The following MAMDC2 variants were observed in gnomAD, a reference collection of about 807,000 sequenced individuals.
MAMDC2 encodes MAM domain containing 2.
Under a neutral mutation model 89.8 loss-of-function variants are expected in MAMDC2, and 57 were observed. The ratio of observed to expected loss-of-function variants is 0.63; its 90% CI spans 0.51 to 0.79. The LOEUF (loss-of-function observed/expected upper bound fraction) is 0.79. MAMDC2 is among the 30% of genes least tolerant of loss of function. MAMDC2 has a pLI of 0.00. For synonymous variants in MAMDC2, 313 were observed against 293.4 expected (o/e 1.07, Z -0.68); for missense variants, 800 against 820.6 (o/e 0.97, Z 0.31).
intron 11 of MAMDC2, among the ~76,000 whole-genome samples, chr9:70,208,879 T>C (rs1022686063): frequency 1.3e-5 from 2 of 152,198 alleles, no homozygotes; most frequent in Non-Finnish European, 2.9e-5. Context: ...TCTGTGTCTA[T>C]TGAGATAATC....
At chr9:70,072,292 A>G (rs2118090813) in intron 2 of MAMDC2, among the ~76,000 whole-genome samples, 1 of 152,316 alleles carries the variant, frequency 6.6e-6, no homozygotes, top group East Asian at 1.9e-4. Context: ...GTGGTTCACC[A>G]TGATCACCAG....
intron 11 of MAMDC2, chr9:70,188,702 A>G (rs2032811691): frequency 6.6e-6 from 1 of 151,548 alleles, no homozygotes; most frequent in African/African-American, 2.4e-5. Flanking sequence ...TATTAAACTT[A>G]TAAGAACAGA....
At chr9:70,212,328 C>A (rs1421806059) in intron 11 of MAMDC2, among the ~76,000 whole-genome samples, 1 of 152,254 alleles carries the variant, frequency 6.6e-6, no homozygotes, top group African/African-American at 2.4e-5. Context: ...TCAGCAATGG[C>A]AGATGCCCCT....
chr9:70,183,109 A>ATTTTGTT (rs2032679760), intron 11 of MAMDC2, among the ~76,000 whole-genome samples: 2 of 152,266 alleles, frequency 1.3e-5, no homozygotes, highest in Admixed American at 6.5e-5. Flanking sequence ...TTGTTTTCCC[A>ATTTTGTT]GTAGTCATTC....
At chr9:70,065,334 G>A (rs1210430002) in intron 2 of MAMDC2, among the ~76,000 whole-genome samples, 1 of 152,078 alleles carries the variant, frequency 6.6e-6, no homozygotes, top group Non-Finnish European at 1.5e-5. Flanking sequence ...ATATATTCCA[G>A]CTTAAGAATC....
chr9:70,173,099 T>G (rs1357227478), intron 11 of MAMDC2, among the ~76,000 whole-genome samples: 4 of 152,174 alleles, frequency 2.6e-5, no homozygotes. Context: ...TTTCTCTTTC[T>G]ACCTCTTTGA....
intron 6 of MAMDC2, among the ~76,000 whole-genome samples, chr9:70,128,757 A>G (rs565844178): frequency 6.6e-6 from 1 of 152,266 alleles, no homozygotes; most frequent in South Asian, 2.1e-4. Context: ...CCCAGGTTCA[A>G]GCAGTCCTCT....
chr9:70,157,046 T>A (rs961624232), intron 9 of MAMDC2, among the ~76,000 whole-genome samples: 2 of 152,204 alleles, frequency 1.3e-5, no homozygotes, highest in Non-Finnish European at 2.9e-5. Flanking sequence ...TATGGAGACA[T>A]CCGAAAAGAC....
chr9:70,110,519 C>T (rs1233420651), intron 4 of MAMDC2, among the ~76,000 whole-genome samples: 3 of 152,148 alleles, frequency 2.0e-5, no homozygotes, highest in Non-Finnish European at 4.4e-5. Context: ...GGCAAGGGTT[C>T]TCCATGGCCA....
chr9:70,224,550 C>T (rs902703380), intron 12 of MAMDC2, among the ~76,000 whole-genome samples: 9 of 152,170 alleles, frequency 5.9e-5, no homozygotes, highest in African/African-American at 2.2e-4. Context: ...AGGACAGAAG[C>T]AGACGGGTGT....
At chr9:70,158,594 T>C (rs1448843289) in intron 9 of MAMDC2, among the ~76,000 whole-genome samples, 2 of 151,954 alleles carry the variant, frequency 1.3e-5, no homozygotes, top group African/African-American at 2.4e-5. Context: ...ATTAATGTTT[T>C]CTAAAGTGAA....
At chr9:70,181,927 T>C (rs2032654125) in intron 11 of MAMDC2, among the ~76,000 whole-genome samples, 1 of 152,226 alleles carries the variant, frequency 6.6e-6, no homozygotes, top group African/African-American at 2.4e-5. Flanking sequence ...TATCCTTGTC[T>C]TTGCCAGTTT....
At chr9:70,055,832 T>G (rs1008807944) in intron 2 of MAMDC2, among the ~76,000 whole-genome samples, 2 of 152,232 alleles carry the variant, frequency 1.3e-5, no homozygotes, top group African/African-American at 4.8e-5. Flanking sequence ...TTGGCAGTCT[T>G]AAGGAGTATT....
intron 2 of MAMDC2, among the ~76,000 whole-genome samples, chr9:70,067,011 C>T (rs1175573301): frequency 6.6e-6 from 1 of 152,060 alleles, no homozygotes; most frequent in African/African-American, 2.4e-5. Context: ...AGAGGGTGCT[C>T]CTGGGATCAA....
chr9:70,163,952 CAAA>C (rs34029718), intron 9 of MAMDC2, among the ~76,000 whole-genome samples: 9 of 70,068 alleles, frequency 1.3e-4, no homozygotes, highest in Non-Finnish European at 1.9e-4. Flanking sequence ...GACTCTGTCT[CAAA>C]AAAAAAAAAA....
At chr9:70,077,865 G>C (rs1276145531) in intron 2 of MAMDC2, among the ~76,000 whole-genome samples, 1 of 152,196 alleles carries the variant, frequency 6.6e-6, no homozygotes, top group African/African-American at 2.4e-5. Context: ...TCCAGGAGAG[G>C]CAAGCTAGTA....
chr9:70,044,562 G>A, intron 1 of MAMDC2, 22 bp from the exon 2 acceptor site: 1 of 1,542,930 alleles, frequency 6.5e-7, no homozygotes. Flanking sequence ...AGCTCGAACT[G>A]AAACTCGCTT....
rs763412261 is a variant in MAMDC2 at position 70,140,163 on chromosome 9, T to C, written c.1013T>C (p.Val338Ala). 5 of 1,593,176 alleles carry C rather than the reference T, an allele frequency of 3.1e-6. No homozygotes were observed. In the Admixed American group the frequency reaches 9.3e-5, roughly 30 times the overall value. ...TGCTCAGAACTTCTGTTCAGTGCCG[T>C]GGAAGCCAGCTGCAATTTTGAGCAA... ...QNQTELLFSA[V>A]EASCNFEQDL... is the part of the protein sequence containing the mutation. Residue 338 changes from valine to alanine, a missense_variant, in exon 8 of 14, where the codon GTG (valine) becomes GCG (alanine). By Grantham distance (64) the Val-to-Ala change is moderately conservative. Coordinates refer to ENST00000377182, the MANE Select transcript of MAMDC2 (RefSeq NM_153267.5).
At chr9:70,153,553 C>T (rs1302666872) in intron 9 of MAMDC2, 1 of 152,076 alleles carries the variant, frequency 6.6e-6, no homozygotes, top group African/African-American at 2.4e-5. Flanking sequence ...GGGAGGAACT[C>T]GATATTGTGT....
Sources: gnomAD v4.1 joint callset for allele counts (sites outside exome capture counted in the v4.1 genomes callset) on GRCh38, gnomAD v4.1.1 for gene constraint, MANE v1.5 for transcripts, NCBI Gene and HGNC (gene_info 2026-07-23, HGNC 2026-07-21) for gene names.